The following SHISAL1 variants were observed in gnomAD, a reference collection of about 807,000 sequenced individuals.
SHISAL1 encodes the protein shisa like 1.
A neutral mutation model predicts 22.6 loss-of-function variants in SHISAL1; 9 were observed. The observed-to-expected ratio is 0.40, with a 90% confidence interval of 0.24 to 0.70. The LOEUF is 0.70. Among genes scored for constraint, SHISAL1 ranks in the 30% least tolerant of loss-of-function variants. The pLI is 0.39. For synonymous variants in SHISAL1, 119 were observed against 115.4 expected (o/e 1.03, Z -0.20); for missense variants, 246 against 270.6 (o/e 0.91, Z 0.64).
chr22:44,280,643 CCGAGG>C lies in SHISAL1; in HGVS notation c.599+4780_599+4784del, dbSNP rs1355647814. ...GGCTAGGGAGCAGGCTAGGAGGCAG[CCGAGG>C]CCCTCTCTCAGAGATGGGAATGTGG... On this transcript the variant is annotated intron_variant, in intron 4 of 4. Coordinates refer to ENST00000381176, the MANE Select transcript of SHISAL1 (RefSeq NM_001099294.2). Among the ~76,000 whole-genome samples the C allele has an allele frequency of 2.0e-5, 3 of 152,180 alleles. No individual in the cohort carries two copies. In the East Asian group the frequency reaches 5.8e-4, roughly 29 times the overall value.
chr22:44,255,889 G>A (rs985771062), intron 4 of SHISAL1, among the ~76,000 whole-genome samples: 6 of 152,318 alleles, frequency 3.9e-5, no homozygotes, highest in East Asian at 1.9e-4. Flanking sequence ...GATATTTGGT[G>A]AGACATTTTT....
chr22:44,327,599 G>A, the SHISAL1 span, among the ~76,000 whole-genome samples: 4 of 152,134 alleles, frequency 2.6e-5, 1 homozygote, highest in African/African-American at 9.7e-5. Context: ...GGGTCTCAGT[G>A]ACCTTGGAGT....
rs563293920 is a variant in SHISAL1 at position 44,286,163 on chromosome 22, C to T, written c.282-418G>A. On this transcript the variant is annotated intron_variant, in intron 3 of 4. Transcript: ENST00000381176. ...CTGCCCCACCTTTGCCTACATTGTT[C>T]CTGGCACCCGGGATGCTCTCACTGC... Among the ~76,000 whole-genome samples, 6 of 152,296 alleles carry T rather than the reference C, an allele frequency of 3.9e-5. 1 individual carries two copies. In the South Asian group the frequency reaches 1.2e-3, roughly 32 times the overall value.
intron 4 of SHISAL1, among the ~76,000 whole-genome samples, chr22:44,264,815 C>A (rs548418450): frequency 2.7e-5 from 4 of 148,582 alleles, no homozygotes; most frequent in African/African-American, 1.0e-4. Flanking sequence ...AGCCATGTGA[C>A]CTTGGACGAG....
chr22:44,331,236 A>C, the SHISAL1 span, among the ~76,000 whole-genome samples: 1 of 146,746 alleles, frequency 6.8e-6, no homozygotes, highest in Admixed American at 6.7e-5. This position sits in a 1 kb window ranked among gnomAD's most constrained non-coding sequence, Gnocchi z 5.2. Context: ...CTGCCCCCGG[A>C]CCCTTCCCCG....
At chr22:44,270,700 C>T (rs2055199989) in intron 4 of SHISAL1, among the ~76,000 whole-genome samples, 1 of 152,110 alleles carries the variant, frequency 6.6e-6, no homozygotes, top group South Asian at 2.1e-4. Flanking sequence ...AAGAGCCGGA[C>T]ACAGACGGAA....
At chr22:44,285,857 C>A (rs1012120399) in intron 3 of SHISAL1, 112 bp from the exon 4 acceptor site, 5 of 920,862 alleles carry the variant, frequency 5.4e-6, no homozygotes, top group Non-Finnish European at 8.4e-6. Context: ...TTGGGGTCCC[C>A]GGGAGGAGGG....
the SHISAL1 span, among the ~76,000 whole-genome samples, chr22:44,326,741 C>T: frequency 6.6e-6 from 1 of 151,940 alleles, no homozygotes; most frequent in African/African-American, 2.4e-5. Flanking sequence ...TATGGGCTGT[C>T]GATGTAAACG....
At chr22:44,258,862 G>A (rs2055102283) in intron 4 of SHISAL1, among the ~76,000 whole-genome samples, 1 of 152,192 alleles carries the variant, frequency 6.6e-6, no homozygotes, top group Non-Finnish European at 1.5e-5. Context: ...CAATTAACAT[G>A]TAAGAGTGGG....
intron 2 of SHISAL1, 70 bp downstream of exon 2, chr22:44,300,809 A>G (rs1294267617): frequency 9.6e-6 from 13 of 1,357,240 alleles, no homozygotes; most frequent in African/African-American, 5.7e-5. Flanking sequence ...CAGATGGGCC[A>G]GCACGAATCT....
intron 3 of SHISAL1, among the ~76,000 whole-genome samples, chr22:44,292,003 G>A (rs531076726): frequency 2.0e-5 from 3 of 152,298 alleles, no homozygotes; most frequent in Admixed American, 1.3e-4. Flanking sequence ...CGGGCATCTC[G>A]CCGTGGTAGT....
chr22:44,302,358 AAG>A (rs2055436861), intron 1 of SHISAL1, among the ~76,000 whole-genome samples: 1 of 145,990 alleles, frequency 6.8e-6, no homozygotes, highest in Non-Finnish European at 1.5e-5. Flanking sequence ...AAAAAAAAAA[AAG>A]GAGCGGGGAG....
intron 4 of SHISAL1, among the ~76,000 whole-genome samples, chr22:44,266,528 A>ATGTGTGTGTGTG (rs11473448): frequency 4.1e-4 from 44 of 108,414 alleles, no homozygotes; most frequent in South Asian, 7.0e-4. Flanking sequence ...GCTTTGGGGT[A>ATGTGTGTGTGTG]TGTGTGTGTG....
intron 4 of SHISAL1, among the ~76,000 whole-genome samples, chr22:44,280,723 G>A (rs1012191013): frequency 8.0e-6 from 1 of 125,480 alleles, no homozygotes; most frequent in African/African-American, 2.8e-5. Flanking sequence ...GGAGCTGGGT[G>A]TCCCAGGAGG....
chr22:44,318,087 G>T, the SHISAL1 span, among the ~76,000 whole-genome samples: 3 of 152,330 alleles, frequency 2.0e-5, no homozygotes, highest in African/African-American at 7.2e-5. Flanking sequence ...ACCCAGTCCA[G>T]CCCATCCAGG....
At chr22:44,312,184 C>A (rs914891112) in intron 1 of SHISAL1, among the ~76,000 whole-genome samples, 1 of 152,186 alleles carries the variant, frequency 6.6e-6, no homozygotes. Flanking sequence ...TTCGGAGGGG[C>A]CAATGCATTC....
chr22:44,266,528 A>ATGGGTATGTGTGTGTGTGTG lies in SHISAL1; in HGVS notation c.*-16844_*-16843insCACACACACACACATACCCA, dbSNP rs370971639. ...ATGTGTGTGTTGGGGGCTTTGGGGT[A>ATGGGTATGTGTGTGTGTGTG]TGTGTGTGTGTGTGTGTGTGTGTGT... On this transcript the variant is annotated intron_variant, in intron 4 of 4. Coordinates refer to ENST00000381176, the MANE Select transcript of SHISAL1 (RefSeq NM_001099294.2). Among the ~76,000 whole-genome samples, 396 of 108,400 alleles carry ATGGGTATGTGTGTGTGTGTG rather than the reference A, an allele frequency of 3.7e-3. 4 individuals are homozygous for ATGGGTATGTGTGTGTGTGTG. Among genetic ancestry groups the ATGGGTATGTGTGTGTGTGTG allele is most frequent in the African/African-American group, 0.015 (384 of 26,400 alleles). 71.1% of individuals were successfully genotyped at this position (108,400 alleles called of 152,430 possible). A position where few individuals can be genotyped will look rare whatever the true frequency, so the allele number is the denominator to read the frequency against.
At chr22:44,329,277 G>A in the SHISAL1 span, among the ~76,000 whole-genome samples, 4 of 152,272 alleles carry the variant, frequency 2.6e-5, no homozygotes, top group South Asian at 2.1e-4. Flanking sequence ...AACTGGGAGT[G>A]GCTCTCAGCT....
At chr22:44,311,130 C>T (rs946080918) in intron 1 of SHISAL1, among the ~76,000 whole-genome samples, 3 of 151,944 alleles carry the variant, frequency 2.0e-5, no homozygotes. Flanking sequence ...GCCTAGAAAC[C>T]CAACTCCAGG....
Sources: gnomAD v4.1 joint callset for allele counts (sites outside exome capture counted in the v4.1 genomes callset) on GRCh38, gnomAD v4.1.1 for gene constraint, Gnocchi (gnomAD v3.1) non-coding constraint, MANE v1.5 for transcripts, NCBI Gene and HGNC (gene_info 2026-07-23, HGNC 2026-07-21) for gene names.